DACH2: variants seen among roughly 807,000 people sequenced by gnomAD.
DACH2 encodes the protein dachshund homolog 2.
Under a neutral mutation model 35.8 loss-of-function variants are expected in DACH2, and 17 were observed. The observed-to-expected ratio is 0.48, with a 90% CI of 0.33 to 0.71. The LOEUF is 0.71. Among genes scored for constraint, DACH2 ranks in the 30% least tolerant of loss-of-function variants. The probability of loss-of-function intolerance (pLI) is 0.02; values close to 1 mark genes in which losing one functional copy is unlikely to be tolerated. For synonymous variants in DACH2, 195 were observed against 177.3 expected, an observed-to-expected ratio of 1.10 and a Z score of -0.79; for missense variants, 469 against 472.7, an observed-to-expected ratio of 0.99 and a Z score of 0.07.
intron 1 of DACH2, chrX:86,160,270 C>T (rs2030705060): frequency 1.7e-6 from 2 of 1,196,970 alleles, no homozygotes; most frequent in African/African-American, 1.7e-5. Flanking sequence ...ACTTGGTGAC[C>T]TTGCCAGCTC....
intron 1 of DACH2, among the ~76,000 whole-genome samples, chrX:86,320,852 T>A (rs2035002037): frequency 8.9e-6 from 1 of 112,239 alleles, no homozygotes; most frequent in Non-Finnish European, 1.9e-5. Flanking sequence ...AAGGAAAGCT[T>A]GCTTTAGCTG....
At chrX:86,526,462 T>G (rs1262041082) in intron 3 of DACH2, among the ~76,000 whole-genome samples, 2 of 111,680 alleles carry the variant, frequency 1.8e-5, no homozygotes, top group African/African-American at 6.5e-5. Context: ...TCTTGTGACT[T>G]GTTTGCTCCC....
rs187379059 is a variant in DACH2 at position 86,726,148 on chromosome X, C to T, written c.1104+11428C>T. 7.2e-5 allele frequency among the ~76,000 whole-genome samples: 8 copies of T among 111,672 alleles called. No homozygotes were observed. The East Asian group carries it at 8.6e-4, about 12-fold the overall frequency. ...TCAGGGAGGGTGGGGCCCCTCATAG[C>T]GGGAGCACCATGCGCAGGTAGCTCT... On this transcript the variant is annotated intron_variant, in intron 6 of 11. Transcript: ENST00000373125.
chrX:86,327,836 T>C (rs1479342358), intron 1 of DACH2, among the ~76,000 whole-genome samples: 1 of 111,598 alleles, frequency 9.0e-6, no homozygotes, highest in Non-Finnish European at 1.9e-5. Context: ...TTATTCTTGA[T>C]TTTCTCTTGT....
chrX:86,535,724 A>C (rs192623021), intron 3 of DACH2, among the ~76,000 whole-genome samples: 1 of 110,424 alleles, frequency 9.1e-6, no homozygotes, highest in Non-Finnish European at 1.9e-5. Flanking sequence ...AAAAAACGGT[A>C]GGCTTTATTG....
At chrX:86,828,805 T>TA (rs2042585673) in intron 11 of DACH2, 1 of 111,698 alleles carries the variant, frequency 9.0e-6, no homozygotes, top group Non-Finnish European at 1.9e-5. Flanking sequence ...TGATGCCTAC[T>TA]AAAAATCTAA....
At position 86,454,731 on chromosome X, in the gene DACH2, G is replaced by A. The variant is rs146592695; in HGVS notation, c.528-59548G>A. ...GGGTTACAACATGCTCCTTTAGCGC[G>A]GTGAAGTTTGTTATTATCCACCTTC... On this transcript the variant is annotated intron_variant, in intron 2 of 11. Coordinates refer to ENST00000373125, the MANE Select transcript of DACH2 (RefSeq NM_053281.3). Among the ~76,000 whole-genome samples, 828 of 111,590 alleles carry A rather than the reference G, an allele frequency of 7.4e-3. 8 individuals carry two copies. Among genetic ancestry groups the A allele is most frequent in the African/African-American group, 0.026 (800 of 30,661 alleles).
chrX:86,187,978 C>T (rs776022975), intron 1 of DACH2, among the ~76,000 whole-genome samples: 2 of 112,210 alleles, frequency 1.8e-5, no homozygotes, highest in East Asian at 5.6e-4. Context: ...TAGAGAACTA[C>T]TGGTCCTATC....
At chrX:86,698,182 T>C (rs2041089204) in intron 5 of DACH2, among the ~76,000 whole-genome samples, 1 of 110,688 alleles carries the variant, frequency 9.0e-6, no homozygotes, top group South Asian at 3.7e-4. Context: ...ATTTAGAGTG[T>C]TGAAAAAGAA....
At position 86,178,317 on chromosome X, in the gene DACH2, C is replaced by T. The variant is rs552554084; in HGVS notation, c.488+29209C>T. Among the ~76,000 whole-genome samples the T allele has an allele frequency of 2.8e-4, 31 of 111,393 alleles. No homozygotes were observed. The South Asian group carries it at 0.011, about 38-fold the overall frequency. ...GAACTTTTATCTGCAGACAGCCTAT[C>T]TCTTTTTTTGTATAAATTGTTAGGA... is the stretch of plus-strand genomic sequence containing the variant. On this transcript the variant is annotated intron_variant, in intron 1 of 11. Coordinates refer to ENST00000373125, the MANE Select transcript of DACH2 (RefSeq NM_053281.3).
intron 1 of DACH2, among the ~76,000 whole-genome samples, chrX:86,315,828 C>CAG (rs1171357629): frequency 4.1e-5 from 4 of 96,448 alleles, no homozygotes; most frequent in Admixed American, 2.2e-4. Context: ...CACACACACA[C>CAG]ACACACACAC....
intron 3 of DACH2, among the ~76,000 whole-genome samples, chrX:86,530,143 T>C (rs2038697463): frequency 9.0e-6 from 1 of 111,479 alleles, no homozygotes; most frequent in African/African-American, 3.3e-5. Context: ...ATTCAAGGCA[T>C]GCACTGAGTG....
chrX:86,386,129 C>T (rs1411573522), intron 2 of DACH2, among the ~76,000 whole-genome samples: 2 of 111,393 alleles, frequency 1.8e-5, no homozygotes, highest in African/African-American at 3.3e-5. Context: ...ATTTAATCCG[C>T]GGGTCTCTTA....
At position 86,509,037 on chromosome X, in the gene DACH2, A is replaced by T. The variant is rs1020952893; in HGVS notation, c.528-5242A>T. The stretch of plus-strand genomic sequence containing the variant: ...TGGGTCGTTCTACTTGAGCCTTAAC[A>T]TTTTAATGCATGACCCATTGACAAG... On this transcript the variant is annotated intron_variant, in intron 2 of 11. Transcript: ENST00000373125. Among the ~76,000 whole-genome samples the T allele has an allele frequency of 4.8e-4, 54 of 111,728 alleles. 4 individuals are homozygous for T. The highest frequency in any genetic ancestry group is 1.9e-5 in the Non-Finnish European group (1 of 53,209).
intron 2 of DACH2, among the ~76,000 whole-genome samples, chrX:86,443,267 C>A (rs1288276281): frequency 9.0e-6 from 1 of 111,158 alleles, no homozygotes; most frequent in Non-Finnish European, 1.9e-5. Flanking sequence ...AGTGTAGAGA[C>A]CTTTATCCCC....
rs947143403 is a variant in DACH2 at position 86,161,054 on chromosome X, G to A, written c.488+11946G>A. 81 of 1,049,830 alleles carry A rather than the reference G, an allele frequency of 7.7e-5. No individual in the cohort carries two copies. The Admixed American group carries it at 1.8e-3, about 23-fold the overall frequency. 86.5% of individuals were successfully genotyped at this position (1,049,830 alleles called of 1,213,427 possible). The stretch of plus-strand genomic sequence containing the variant: ...GCACGTTAGCAGTTGCCTCCAGCAT[G>A]TTGTCATCATTCCAACCAGAAATTG... On this transcript the variant is annotated intron_variant, in intron 1 of 11. Coordinates refer to ENST00000373125, the MANE Select transcript of DACH2 (RefSeq NM_053281.3).
chrX:86,325,547 T>C, intron 1 of DACH2, among the ~76,000 whole-genome samples: 1 of 112,236 alleles, frequency 8.9e-6, no homozygotes, highest in East Asian at 2.8e-4. Context: ...AATGACATTT[T>C]CTTCAATGGT....
intron 1 of DACH2, among the ~76,000 whole-genome samples, chrX:86,355,743 T>A (rs2035632186): frequency 1.8e-5 from 2 of 111,592 alleles, no homozygotes; most frequent in Non-Finnish European, 3.8e-5. Flanking sequence ...TGAGATGGTA[T>A]CTCATTGTGG....
chrX:86,494,542 C>T (rs960258420), intron 2 of DACH2, among the ~76,000 whole-genome samples: 8 of 112,732 alleles, frequency 7.1e-5, no homozygotes, highest in African/African-American at 2.6e-4. Context: ...AGAAATGTCA[C>T]ATGGTGAATG....
Sources: gnomAD v4.1 joint callset for allele counts (sites outside exome capture counted in the v4.1 genomes callset) on GRCh38, gnomAD v4.1.1 for gene constraint, MANE v1.5 for transcripts, NCBI Gene and HGNC (gene_info 2026-07-23, HGNC 2026-07-21) for gene names.